The following BCAS4 variants were observed in gnomAD, a reference collection of about 807,000 sequenced individuals.
BCAS4 encodes the protein breast carcinoma-amplified sequence 4.
A neutral mutation model predicts 15.7 loss-of-function variants in BCAS4; 9 were observed. That is an observed-to-expected ratio of 0.57 (90% CI 0.34 to 1.00). The LOEUF (loss-of-function observed/expected upper bound fraction) is 1.00. Ranked by LOEUF, BCAS4 falls within the 50% of genes least tolerant of loss-of-function variation. BCAS4 has a pLI of 0.02. For synonymous variants in BCAS4, 101 were observed against 99.5 expected, an observed-to-expected ratio of 1.02 and a Z score of -0.09; for missense variants, 225 against 239.1, an observed-to-expected ratio of 0.94 and a Z score of 0.39.
At chr20:50,825,963 G>A (rs6067562) in intron 2 of BCAS4, among the ~76,000 whole-genome samples, 1 of 152,132 alleles carries the variant, frequency 6.6e-6, no homozygotes, top group Non-Finnish European at 1.5e-5. Context: ...TTGGGATTTA[G>A]GGGGCGAGGG....
chr20:50,869,742 C>CTTTTTT (rs55685532), intron 4 of BCAS4, among the ~76,000 whole-genome samples: 28 of 77,648 alleles, frequency 3.6e-4, no homozygotes, highest in African/African-American at 4.9e-4. Context: ...CCTGGCACTG[C>CTTTTTT]TTTTTTTTTT....
At chr20:50,826,673 A>G (rs2088281054) in intron 2 of BCAS4, among the ~76,000 whole-genome samples, 2 of 152,038 alleles carry the variant, frequency 1.3e-5, no homozygotes. Flanking sequence ...ACCATGGTAC[A>G]TTTGTCAGTA....
At chr20:50,880,777 A>G (rs1980104215), downstream of BCAS4, 1 of 152,222 alleles carries the variant, frequency 6.6e-6, no homozygotes, top group African/African-American at 2.4e-5. Context: ...TCAAGGTAGC[A>G]GCCCATGGGG....
chr20:50,838,767 T>G lies in BCAS4; in HGVS notation c.265-2999T>G, dbSNP rs138815374. ...GCTAAGGCAGGAGAATTGCTTGAAC[T>G]CGGGAGGCAGAGGTTGCAGCGGGCC... On this transcript the variant is annotated intron_variant, in intron 3 of 4. Coordinates refer to ENST00000371608, the MANE Select transcript of BCAS4 (RefSeq NM_198799.4). Among the ~76,000 whole-genome samples, 940 of 151,968 alleles carry G rather than the reference T, an allele frequency of 6.2e-3. 7 individuals carry two copies. Among genetic ancestry groups the G allele is most frequent in the African/African-American group, 0.021 (872 of 41,452 alleles).
intron 4 of BCAS4, among the ~76,000 whole-genome samples, chr20:50,869,705 A>C (rs1169343720): frequency 6.6e-6 from 1 of 150,726 alleles, no homozygotes; most frequent in East Asian, 1.9e-4. Flanking sequence ...ATTCAGAGGC[A>C]AACTATGGTC....
chr20:50,796,480 TA>T (rs1178155201), intron 1 of BCAS4, among the ~76,000 whole-genome samples: 581 of 14,466 alleles, frequency 0.04, 13 homozygotes, highest in African/African-American at 0.058. Context: ...TATATATATA[TA>T]TATATATTTT....
Position 50,876,466 on chromosome 20 carries a change from T to A in BCAS4, c.400-20T>A, listed in dbSNP as rs6020819. 0.026 allele frequency: 41,848 copies of A among 1,610,504 alleles called. 4,226 individuals are homozygous for A. The African/African-American group carries it at 0.3, about 11-fold the overall frequency. Reference sequence around the variant, plus strand: ...AGTGGATCCAAATCGCTGATAGAGCTTCATTTCTTGTCATTCCAGAAGTCA... The same window carrying A: ...AGTGGATCCAAATCGCTGATAGAGCATCATTTCTTGTCATTCCAGAAGTCA... On this transcript the variant is annotated intron_variant, in intron 4 of 4. Coordinates refer to ENST00000371608, the MANE Select transcript of BCAS4 (RefSeq NM_198799.4).
chr20:50,834,646 A>G (rs910719551), intron 3 of BCAS4, among the ~76,000 whole-genome samples: 2 of 152,152 alleles, frequency 1.3e-5, no homozygotes, highest in Admixed American at 1.3e-4. Flanking sequence ...TTACTAGGTG[A>G]TACAATAATA....
chr20:50,823,019 C>T (rs1427396162), intron 2 of BCAS4, among the ~76,000 whole-genome samples: 1 of 152,088 alleles, frequency 6.6e-6, no homozygotes, highest in Non-Finnish European at 1.5e-5. Flanking sequence ...GCCCAAACCA[C>T]ACAAAAATTC....
intron 4 of BCAS4, among the ~76,000 whole-genome samples, chr20:50,853,741 G>A (rs1303462292): frequency 7.1e-6 from 1 of 140,456 alleles, no homozygotes; most frequent in East Asian, 2.1e-4. Flanking sequence ...TGTACTGGGG[G>A]GTGTTTTGTG....
chr20:50,860,995 T>C (rs539182804), intron 4 of BCAS4, among the ~76,000 whole-genome samples: 478 of 145,210 alleles, frequency 3.3e-3, no homozygotes, highest in Admixed American at 5.3e-3. Context: ...ACCCGGTCTC[T>C]GGAAAAAAAA....
At chr20:50,864,445 T>A (rs1044965877) in intron 4 of BCAS4, among the ~76,000 whole-genome samples, 1 of 151,052 alleles carries the variant, frequency 6.6e-6, no homozygotes, top group Non-Finnish European at 1.5e-5. Flanking sequence ...ATTGATTTTT[T>A]TTTTTTTTTT....
intron 2 of BCAS4, among the ~76,000 whole-genome samples, chr20:50,826,086 A>G (rs1358675971): frequency 6.6e-6 from 1 of 152,190 alleles, no homozygotes; most frequent in African/African-American, 2.4e-5. Flanking sequence ...AGAAATTAAC[A>G]GAAGGATACG....
intron 4 of BCAS4, among the ~76,000 whole-genome samples, chr20:50,863,213 G>A (rs1297061910): frequency 6.8e-6 from 1 of 148,042 alleles, no homozygotes; most frequent in Non-Finnish European, 1.5e-5. Context: ...CTGACAACAT[G>A]GTAGGTCAGG....
At chr20:50,808,213 TGCCACA>T (rs1600849201) in intron 1 of BCAS4, among the ~76,000 whole-genome samples, 1 of 152,188 alleles carries the variant, frequency 6.6e-6, no homozygotes, top group East Asian at 1.9e-4. Context: ...CGCCCGGCTG[TGCCACA>T]TATTCTTTAT....
At chr20:50,822,908 G>A (rs1199861051) in intron 2 of BCAS4, among the ~76,000 whole-genome samples, 3 of 151,854 alleles carry the variant, frequency 2.0e-5, no homozygotes, top group African/African-American at 2.4e-5. Flanking sequence ...GATTACAGGC[G>A]TGAGCCACTG....
At chr20:50,874,422 C>T (rs1451949854) in intron 4 of BCAS4, among the ~76,000 whole-genome samples, 1 of 152,178 alleles carries the variant, frequency 6.6e-6, no homozygotes. Flanking sequence ...CCGGAAACTC[C>T]CCCAACCCTC....
intron 4 of BCAS4, among the ~76,000 whole-genome samples, chr20:50,853,139 ATTTTT>A (rs35651267): frequency 2.8e-5 from 3 of 106,906 alleles, no homozygotes; most frequent in African/African-American, 7.9e-5. Flanking sequence ...ATCCCCTTTC[ATTTTT>A]TTTTTTTTTT....
chr20:50,831,464 C>T (rs1196525663), intron 3 of BCAS4, among the ~76,000 whole-genome samples: 1 of 152,036 alleles, frequency 6.6e-6, no homozygotes, highest in Admixed American at 6.6e-5. Context: ...CTCAGAAGGG[C>T]GTGGGCTCTC....
Sources: gnomAD v4.1 joint callset for allele counts (sites outside exome capture counted in the v4.1 genomes callset) on GRCh38, gnomAD v4.1.1 for gene constraint, MANE v1.5 for transcripts, NCBI Gene and HGNC (gene_info 2026-07-23, HGNC 2026-07-21) for gene names.